RICTOR: variants seen among roughly 807,000 people sequenced by gnomAD.
RICTOR encodes rapamycin-insensitive companion of mTOR.
Under a neutral mutation model 214.9 loss-of-function variants are expected in RICTOR, and 49 were observed. The ratio of observed to expected loss-of-function variants is 0.23; its 90% CI spans 0.18 to 0.29. The LOEUF is 0.29. RICTOR is among the 10% of genes least tolerant of loss of function. The pLI is 1.00. For missense variants in RICTOR, 1,625 were observed against 2,047.0 expected (o/e 0.79, Z 3.98); for synonymous variants, 717 against 711.3 (o/e 1.01, Z -0.13).
chr5:39,041,857 C>G (rs1272140342), intron 2 of RICTOR, among the ~76,000 whole-genome samples: 1 of 150,334 alleles, frequency 6.7e-6, no homozygotes, highest in Non-Finnish European at 1.5e-5. Context: ...AGGCGGATCC[C>G]TACAGCCTGG....
chr5:39,032,701 G>C (rs371610213), intron 2 of RICTOR, among the ~76,000 whole-genome samples: 11 of 152,236 alleles, frequency 7.2e-5, no homozygotes, highest in African/African-American at 2.7e-4. Context: ...GGGAGAACCA[G>C]TGCCTAGGTA....
At chr5:38,967,083 G>T in intron 14 of RICTOR, 78 bp downstream of exon 14, 1 of 1,130,032 alleles carries the variant, frequency 8.8e-7, no homozygotes, top group Non-Finnish European at 1.3e-6. Context: ...TTACAGGCGT[G>T]AGTCACCACA....
chr5:39,017,571 A>G (rs1333919911), intron 3 of RICTOR, among the ~76,000 whole-genome samples: 1 of 152,020 alleles, frequency 6.6e-6, no homozygotes, highest in African/African-American at 2.4e-5. Context: ...CTCATCCCTC[A>G]TATAAAATCA....
rs145332692 is a variant in RICTOR at position 39,046,286 on chromosome 5, C to G, written c.98-25150G>C. Among the ~76,000 whole-genome samples, 1,335 of 151,134 alleles carry G rather than the reference C, an allele frequency of 8.8e-3. 18 individuals carry two copies. Among genetic ancestry groups the G allele is most frequent in the Admixed American group, 0.016 (244 of 15,208 alleles). ...GGCTGAGATGGGAAGATCACTTGAG[C>G]CCAGGTGATTGAAGCTACAGTGAAC... is the stretch of plus-strand genomic sequence containing the variant. On this transcript the variant is annotated intron_variant, in intron 2 of 37. Transcript: ENST00000357387.
chr5:38,958,374 T>A, intron 24 of RICTOR, 69 bp downstream of exon 24: 2 of 956,124 alleles, frequency 2.1e-6, no homozygotes, highest in Non-Finnish European at 3.4e-6. Flanking sequence ...TGGATTTGAA[T>A]CTATCTTTAA....
intron 2 of RICTOR, among the ~76,000 whole-genome samples, chr5:39,043,896 G>T (rs1450930940): frequency 6.6e-6 from 1 of 152,218 alleles, no homozygotes; most frequent in Non-Finnish European, 1.5e-5. Context: ...TTCAATGACA[G>T]CAAGAAGGTG....
At chr5:39,073,837 G>A (rs1759510247) in intron 2 of RICTOR, among the ~76,000 whole-genome samples, 1 of 152,172 alleles carries the variant, frequency 6.6e-6, no homozygotes. Flanking sequence ...AGGGTCGCCG[G>A]GTCTGCCGAG....
At chr5:38,947,631 G>A (rs1337820861) in intron 31 of RICTOR, among the ~76,000 whole-genome samples, 190 bp from the exon 32 acceptor site, 1 of 152,012 alleles carries the variant, frequency 6.6e-6, no homozygotes, top group Non-Finnish European at 1.5e-5. Context: ...TATGTAAAAG[G>A]TCACCAGTAA....
chr5:38,970,660 C>T (rs1449986556), intron 11 of RICTOR: 1 of 151,722 alleles, frequency 6.6e-6, no homozygotes, highest in African/African-American at 2.4e-5. Flanking sequence ...AAGAAAGAAA[C>T]AAAATTAAAA....
At chr5:39,012,076 T>C (rs187011557) in intron 3 of RICTOR, among the ~76,000 whole-genome samples, 5 of 152,316 alleles carry the variant, frequency 3.3e-5, no homozygotes, top group East Asian at 1.9e-4. Flanking sequence ...AATCCCCATG[T>C]GTCAAGGGTG....
At chr5:39,018,152 T>C (rs2150131540) in intron 3 of RICTOR, among the ~76,000 whole-genome samples, 2 of 152,218 alleles carry the variant, frequency 1.3e-5, no homozygotes, top group Non-Finnish European at 2.9e-5. Context: ...TGTCCAGCAT[T>C]ACAAGGCTGA....
rs1304761708 is a variant in RICTOR at position 38,994,451 on chromosome 5, A to AAAAAAAAAAAAAAAAAAAAG, written c.456+2367_456+2368insCTTTTTTTTTTTTTTTTTTT. 9.2e-4 allele frequency among the ~76,000 whole-genome samples: 93 copies of AAAAAAAAAAAAAAAAAAAAG among 101,562 alleles called. 22 individuals are homozygous for AAAAAAAAAAAAAAAAAAAAG. Among genetic ancestry groups the AAAAAAAAAAAAAAAAAAAAG allele is most frequent in the East Asian group, 1.4e-3 (5 of 3,496 alleles). The allele number at this position is 101,562 out of a possible 152,430, so 66.6% of individuals were successfully genotyped here. A position where few individuals can be genotyped will look rare whatever the true frequency, so the allele number is the denominator to read the frequency against. Reference sequence around the variant, plus strand: ...AAAAAAAAAAAAAAAAAAAAAAAAAAAGTGCTTCAGATGCCAAAAGCACTA... The same window carrying AAAAAAAAAAAAAAAAAAAAG: ...AAAAAAAAAAAAAAAAAAAAAAAAAAAAAAAAAAAAAAAAAAAAAGAGTGCTTCAGATGCCAAAAGCACTA... On this transcript the variant is annotated intron_variant, in intron 6 of 37. Coordinates refer to ENST00000357387, the MANE Select transcript of RICTOR (RefSeq NM_152756.5).
At chr5:39,042,288 A>G (rs1757228628) in intron 2 of RICTOR, among the ~76,000 whole-genome samples, 1 of 152,090 alleles carries the variant, frequency 6.6e-6, no homozygotes, top group African/African-American at 2.4e-5. Context: ...ACAATATAAA[A>G]CAACAACACT....
chr5:38,990,558 A>G (rs62359807), intron 7 of RICTOR, among the ~76,000 whole-genome samples: 6 of 120,814 alleles, frequency 5.0e-5, no homozygotes, highest in Non-Finnish European at 1.1e-4. Context: ...GATATACACG[A>G]TATATACACG....
At chr5:38,993,098 G>C (rs1201146501) in intron 6 of RICTOR, among the ~76,000 whole-genome samples, 1 of 152,138 alleles carries the variant, frequency 6.6e-6, no homozygotes, top group African/African-American at 2.4e-5. Context: ...AAAAATAGTT[G>C]GCTGGACCAA....
chr5:38,955,432 A>G (rs1749171859), intron 26 of RICTOR, among the ~76,000 whole-genome samples, 163 bp downstream of exon 26: 1 of 152,082 alleles, frequency 6.6e-6, no homozygotes, highest in Admixed American at 6.6e-5. Flanking sequence ...CGTTATCAGT[A>G]AGGATATTCA....
rs2150055292 is a variant in RICTOR, at chr5:38,978,666, A to G, written c.754-16T>C. ...CTAAAATTCTCTATTTAAAAAAAAAAAGGAAGAAAAGAGTCTTTATTTTAA... is the reference window on the plus strand; with the variant it reads ...CTAAAATTCTCTATTTAAAAAAAAAGAGGAAGAAAAGAGTCTTTATTTTAA... On this transcript the variant is annotated splice_polypyrimidine_tract_variant and intron_variant, in intron 8 of 37. Coordinates refer to ENST00000357387, the MANE Select transcript of RICTOR (RefSeq NM_152756.5). 7.7e-7 allele frequency: 1 copy of G among 1,291,994 alleles called. No individual in the cohort carries two copies. Among genetic ancestry groups the G allele is most frequent in the Non-Finnish European group, 1.1e-6 (1 of 911,720 alleles). 80.0% of individuals were successfully genotyped at this position (1,291,994 alleles called of 1,614,324 possible).
At chr5:38,964,492 C>T (rs1222339623) in intron 16 of RICTOR, among the ~76,000 whole-genome samples, 2 of 151,794 alleles carry the variant, frequency 1.3e-5, no homozygotes, top group Non-Finnish European at 3.0e-5. Context: ...AATTGCTGCT[C>T]ATGACATAAA....
intron 24 of RICTOR, among the ~76,000 whole-genome samples, chr5:38,958,203 C>T (rs1048680014): frequency 4.6e-5 from 7 of 151,798 alleles, no homozygotes; most frequent in African/African-American, 1.7e-4. Context: ...GACCATTGCA[C>T]TCTGGCCTGG....
Sources: gnomAD v4.1 joint callset for allele counts (sites outside exome capture counted in the v4.1 genomes callset) on GRCh38, gnomAD v4.1.1 for gene constraint, MANE v1.5 for transcripts, NCBI Gene and HGNC (gene_info 2026-07-23, HGNC 2026-07-21) for gene names.